Variants in MIPOL1 observed in about 807,000 individuals in gnomAD.
MIPOL1 encodes the protein mirror-image polydactyly 1.
MIPOL1 carries 57 observed loss-of-function variants against 60.9 expected under a neutral mutation model. The observed-to-expected ratio is 0.94, with a 90% CI of 0.76 to 1.17. MIPOL1 has a LOEUF of 1.17. MIPOL1 is among the 50% of genes most tolerant of loss of function. MIPOL1 has a pLI of 0.00. For synonymous variants in MIPOL1, 179 were observed against 168.8 expected, an observed-to-expected ratio of 1.06 and a Z score of -0.47; for missense variants, 551 against 511.6, an observed-to-expected ratio of 1.08 and a Z score of -0.74.
intron 10 of MIPOL1, among the ~76,000 whole-genome samples, chr14:37,405,179 C>G (rs1316047124): frequency 6.6e-6 from 1 of 152,154 alleles, no homozygotes; most frequent in Non-Finnish European, 1.5e-5. Flanking sequence ...TTCTATACAA[C>G]AGTTAAAATC....
intron 1 of MIPOL1, among the ~76,000 whole-genome samples, chr14:37,218,924 CAAAAAAAA>C (rs150658949): frequency 0.06 from 6,458 of 106,788 alleles, 336 homozygotes; most frequent in African/African-American, 0.14. Context: ...GACCCTATTT[CAAAAAAAA>C]AAAAAAAAAA....
rs899047293 is a variant in MIPOL1 at position 37,496,144 on chromosome 14, C to T, written c.1032-3764C>T. ...GCTCTTTAATTAGGTATTGTTGGGA[C>T]GTATTTCAAAATAATAAGAGCTATC... On this transcript the variant is annotated intron_variant, in intron 11 of 12. Coordinates refer to ENST00000684589, the MANE Select transcript of MIPOL1 (RefSeq NM_001388067.1). 1.4e-4 allele frequency among the ~76,000 whole-genome samples: 21 copies of T among 151,764 alleles called. 1 individual carries two copies. Among genetic ancestry groups the T allele is most frequent in the African/African-American group, 4.1e-4 (17 of 41,376 alleles).
chr14:37,529,867 A>T (rs1412118740), intron 12 of MIPOL1, among the ~76,000 whole-genome samples: 1 of 152,206 alleles, frequency 6.6e-6, no homozygotes, highest in Non-Finnish European at 1.5e-5. Context: ...AGTCTGAATT[A>T]CTGAGAGCCT....
intron 10 of MIPOL1, among the ~76,000 whole-genome samples, chr14:37,410,516 G>A (rs1029660380): frequency 4.6e-5 from 7 of 152,100 alleles, no homozygotes; most frequent in Admixed American, 2.0e-4. Context: ...TCCAGGAGCT[G>A]TTGTTTAGAC....
chr14:37,256,707 T>C (rs1230993465), intron 3 of MIPOL1, among the ~76,000 whole-genome samples: 2 of 150,936 alleles, frequency 1.3e-5, no homozygotes, highest in African/African-American at 4.8e-5. Context: ...ATTTTTTTCG[T>C]TAAAAAAGCA....
chr14:37,546,982 A>AG lies in MIPOL1; in HGVS notation c.*11_*12insG, dbSNP rs376515871. ...AGGACAGTGATCTGATTGAAAAAAA[A>AG]CGACAGTCTGGGGAAGCGATCACAT... On this transcript the variant is annotated 3_prime_UTR_variant, in exon 13 of 13. Coordinates refer to ENST00000684589, the MANE Select transcript of MIPOL1 (RefSeq NM_001388067.1). The AG allele has an allele frequency of 2.5e-6, 4 of 1,612,754 alleles. No individual in the cohort carries two copies. In the African/African-American group the frequency reaches 5.3e-5, roughly 22 times the overall value.
Position 37,234,289 on chromosome 14 carries a change from T to C in MIPOL1, c.-198-12814T>C, listed in dbSNP as rs1971080144. On this transcript the variant is annotated intron_variant, in intron 1 of 12. Transcript: ENST00000684589. ...TTTTTTTTTTTCTTGAAAATAGAGGTGAACAATCTGCTGCAGTGAGCTTCA... is the reference window on the plus strand; with the variant it reads ...TTTTTTTTTTTCTTGAAAATAGAGGCGAACAATCTGCTGCAGTGAGCTTCA... 2.0e-5 allele frequency among the ~76,000 whole-genome samples: 3 copies of C among 151,762 alleles called. No homozygotes were observed. In the South Asian group the frequency reaches 6.3e-4, roughly 32 times the overall value.
At chr14:37,484,433 A>C (rs2094917441) in intron 11 of MIPOL1, among the ~76,000 whole-genome samples, 1 of 145,348 alleles carries the variant, frequency 6.9e-6, no homozygotes, top group Non-Finnish European at 1.5e-5. Flanking sequence ...CGCCTCCCGG[A>C]TTCAAGCAAT....
At chr14:37,391,788 G>A (rs897700623) in intron 10 of MIPOL1, among the ~76,000 whole-genome samples, 7 of 152,056 alleles carry the variant, frequency 4.6e-5, no homozygotes, top group South Asian at 2.1e-4. Context: ...CTAGAACTGG[G>A]TAATGGACTC....
rs904887177 is a variant in MIPOL1, at chr14:37,425,238, A to T, written c.1031+2289A>T. 4.6e-5 allele frequency among the ~76,000 whole-genome samples: 7 copies of T among 152,322 alleles called. No individual in the cohort carries two copies. In the East Asian group the frequency reaches 1.3e-3, roughly 29 times the overall value. On this transcript the variant is annotated intron_variant, in intron 11 of 12. Transcript: ENST00000684589. ...GTCAGAGAATTCCAAGAGGTATATG[A>T]TGATGTTGCATGAACTGACATTACT... is the stretch of plus-strand genomic sequence containing the variant.
At chr14:37,374,285 C>G (rs1022407321) in intron 10 of MIPOL1, among the ~76,000 whole-genome samples, 2 of 152,060 alleles carry the variant, frequency 1.3e-5, no homozygotes, top group African/African-American at 4.8e-5. Context: ...TGGATATTAG[C>G]CCTTTGTCAG....
At chr14:37,211,867 A>T (rs1740898735) in intron 1 of MIPOL1, among the ~76,000 whole-genome samples, 1 of 151,694 alleles carries the variant, frequency 6.6e-6, no homozygotes, top group Non-Finnish European at 1.5e-5. Flanking sequence ...TCTTGCATCG[A>T]GGATATCAGC....
chr14:37,336,995 T>C (rs1475679081), intron 9 of MIPOL1, among the ~76,000 whole-genome samples: 3 of 151,972 alleles, frequency 2.0e-5, no homozygotes, highest in African/African-American at 7.3e-5. Flanking sequence ...ACTCCTGACC[T>C]CAAGTTATCT....
chr14:37,536,135 G>C (rs536445342), intron 12 of MIPOL1, among the ~76,000 whole-genome samples: 4 of 152,302 alleles, frequency 2.6e-5, no homozygotes, highest in African/African-American at 9.6e-5. Flanking sequence ...TAATTTTGAA[G>C]TTATAGGAGA....
At chr14:37,470,794 C>T (rs942561722) in intron 11 of MIPOL1, among the ~76,000 whole-genome samples, 4 of 151,908 alleles carry the variant, frequency 2.6e-5, no homozygotes, top group Non-Finnish European at 5.9e-5. Flanking sequence ...TGAAGAGCAT[C>T]AAGGAAAGTA....
intron 9 of MIPOL1, among the ~76,000 whole-genome samples, chr14:37,357,707 G>T (rs1398599536): frequency 1.3e-5 from 2 of 151,680 alleles, no homozygotes; most frequent in African/African-American, 4.8e-5. Flanking sequence ...CCATTCTGTA[G>T]GTTGTCTCTT....
At chr14:37,532,040 A>G (rs1374796621) in intron 12 of MIPOL1, among the ~76,000 whole-genome samples, 4 of 152,210 alleles carry the variant, frequency 2.6e-5, no homozygotes, top group Non-Finnish European at 4.4e-5. Flanking sequence ...ATTTCTGAGT[A>G]AATTGACAAA....
At chr14:37,278,519 GTATAT>G (rs2083846481) in intron 6 of MIPOL1, 1 of 151,560 alleles carries the variant, frequency 6.6e-6, no homozygotes. Flanking sequence ...AAATTATTGT[GTATAT>G]TATATTGCTT....
Position 37,437,434 on chromosome 14 carries a change from G to A in MIPOL1, c.1031+14485G>A, listed in dbSNP as rs556547114. 1.6e-3 allele frequency among the ~76,000 whole-genome samples: 237 copies of A among 152,036 alleles called. No homozygotes were observed. The Middle Eastern group carries it at 0.017, about 11-fold the overall frequency. On this transcript the variant is annotated intron_variant, in intron 11 of 12. Transcript: ENST00000684589. ...ATAAAAATTTTTGAAAATATTACAT[G>A]AAAAAAGGTGAAAATTGAGATTTTG...
Sources: gnomAD v4.1 joint callset for allele counts (sites outside exome capture counted in the v4.1 genomes callset) on GRCh38, gnomAD v4.1.1 for gene constraint, MANE v1.5 for transcripts, NCBI Gene and HGNC (gene_info 2026-07-23, HGNC 2026-07-21) for gene names.